Variants in MTURN observed in about 807,000 individuals in gnomAD.
The protein encoded by MTURN is maturin, neural progenitor differentiation regulator homolog, also known as maturin.
A neutral mutation model predicts 14.9 loss-of-function variants in MTURN; 7 were observed. The observed-to-expected ratio is 0.47, with a 90% CI of 0.27 to 0.88. The LOEUF (loss-of-function observed/expected upper bound fraction) is 0.88. Among genes scored for constraint, MTURN ranks in the 40% least tolerant of loss-of-function variants. MTURN has a pLI of 0.14. For missense variants in MTURN, 151 were observed against 174.1 expected (o/e 0.87, Z 0.75); for synonymous variants, 69 against 72.5 (o/e 0.95, Z 0.25).
At position 30,159,760 on chromosome 7, in the gene MTURN, TC is replaced by T. The variant is rs1797342208; in HGVS notation, c.*2214del. On this transcript the variant is annotated 3_prime_UTR_variant, in exon 3 of 3. Coordinates refer to ENST00000324453, the MANE Select transcript of MTURN (RefSeq NM_152793.3). Reference sequence around the variant, plus strand: ...AGATCGAATTGTTTCTTCTAAGACTTCCTTTTTCTGAATGTGTGCACATCCC... The same window carrying T: ...AGATCGAATTGTTTCTTCTAAGACTTCTTTTTCTGAATGTGTGCACATCCC... 6.5e-6 allele frequency: 1 copy of T among 152,686 alleles called. No homozygotes were observed. Among genetic ancestry groups the T allele is most frequent in the Non-Finnish European group, 1.5e-5 (1 of 68,068 alleles). The allele number at this position is 152,686 out of a possible 1,614,324, so 9.5% of individuals were successfully genotyped here.
At chr7:30,140,958 T>C (rs10247194) in intron 1 of MTURN, 110,961 of 151,994 alleles carry the variant, frequency 0.73, 41,466 homozygotes, top group East Asian at 0.94. Flanking sequence ...GCGCACAGAG[T>C]GTAGTTGAAA....
At chr7:30,148,468 T>G (rs1019812669) in intron 2 of MTURN, among the ~76,000 whole-genome samples, 1 of 152,198 alleles carries the variant, frequency 6.6e-6, no homozygotes, top group African/African-American at 2.4e-5. Flanking sequence ...TGACTTCACA[T>G]CTTGAAAGCC....
intron 1 of MTURN, among the ~76,000 whole-genome samples, chr7:30,136,847 G>A (rs961638607): frequency 1.8e-4 from 27 of 152,126 alleles, no homozygotes; most frequent in African/African-American, 6.5e-4. Flanking sequence ...GTAACGCACC[G>A]AATAGTCCCT....
At chr7:30,136,529 C>T (rs1049750428) in intron 1 of MTURN, among the ~76,000 whole-genome samples, 1 of 152,182 alleles carries the variant, frequency 6.6e-6, no homozygotes, top group Non-Finnish European at 1.5e-5. Flanking sequence ...CGCCGAGCGC[C>T]CTGACCACCT....
chr7:30,139,373 A>C (rs1797013758), intron 1 of MTURN, among the ~76,000 whole-genome samples: 1 of 151,868 alleles, frequency 6.6e-6, no homozygotes, highest in South Asian at 2.1e-4. Context: ...AAACTGAGGC[A>C]TGGCAAACTT....
At chr7:30,140,330 T>TTC (rs1323095924) in intron 1 of MTURN, among the ~76,000 whole-genome samples, 1 of 151,542 alleles carries the variant, frequency 6.6e-6, no homozygotes, top group Non-Finnish European at 1.5e-5. Context: ...ATCATGATAT[T>TTC]ATTAAAGAAA....
chr7:30,156,678 A>AGCTG (rs954465941), intron 2 of MTURN, among the ~76,000 whole-genome samples: 11 of 152,048 alleles, frequency 7.2e-5, no homozygotes, highest in African/African-American at 2.7e-4. Context: ...TACAAAAATT[A>AGCTG]GCTGGGCATG....
chr7:30,148,099 T>C (rs1797154615), intron 2 of MTURN, among the ~76,000 whole-genome samples: 1 of 152,070 alleles, frequency 6.6e-6, no homozygotes, highest in Non-Finnish European at 1.5e-5. Flanking sequence ...AGTAATTAAG[T>C]GCCAAAGAGA....
chr7:30,152,135 A>G (rs1009381690), intron 2 of MTURN, among the ~76,000 whole-genome samples: 1 of 149,530 alleles, frequency 6.7e-6, no homozygotes, highest in African/African-American at 2.5e-5. Flanking sequence ...TTGACAGTTT[A>G]TCTTTTTTTT....
Position 30,159,400 on chromosome 7 carries a change from G to T in MTURN, c.*1852G>T, listed in dbSNP as rs1228186474. The T allele has an allele frequency of 6.6e-6, 1 of 152,204 alleles. No homozygotes were observed. Among genetic ancestry groups the T allele is most frequent in the East Asian group, 1.9e-4 (1 of 5,204 alleles). The allele number at this position is 152,204 out of a possible 1,614,324, so 9.4% of individuals were successfully genotyped here. ...TAAGCCGCAAGAATGACTTCTGCAA[G>T]TGAAATGAGGAAGCTTCACTAGCTT... is the stretch of plus-strand genomic sequence containing the variant. On this transcript the variant is annotated 3_prime_UTR_variant, in exon 3 of 3. Transcript: ENST00000324453.
rs1796926407 is a variant in MTURN at position 30,135,237 on chromosome 7, A to G, written c.101A>G (p.Tyr34Cys). ...TEETERRMDF[Y>C]ADPGVSFYVL... is the part of the protein sequence containing the mutation. ...GAGACCGAACGCAGGATGGATTTCTACGCCGACCCCGGCGTCTCCTTCTAT... is the reference window on the plus strand; with the variant it reads ...GAGACCGAACGCAGGATGGATTTCTGCGCCGACCCCGGCGTCTCCTTCTAT... Residue 34 changes from tyrosine to cysteine, a missense_variant, in exon 1 of 3, where the codon TAC becomes TGC. Tyr to Cys is a radical substitution (Grantham distance 194). Coordinates refer to ENST00000324453, the MANE Select transcript of MTURN (RefSeq NM_152793.3). 2 of 1,517,364 alleles carry G rather than the reference A, an allele frequency of 1.3e-6. No homozygotes were observed. Among genetic ancestry groups the G allele is most frequent in the Non-Finnish European group, 1.8e-6 (2 of 1,130,694 alleles). 94.0% of individuals were successfully genotyped at this position (1,517,364 alleles called of 1,614,324 possible). A position where few individuals can be genotyped will look rare whatever the true frequency, so the allele number is the denominator to read the frequency against.
rs1797365585 is a variant in MTURN, at chr7:30,160,979, A to G, written c.*3431A>G. The G allele has an allele frequency of 6.6e-6, 1 of 152,656 alleles. No individual in the cohort carries two copies. The highest frequency in any genetic ancestry group is 2.4e-5 in the African/African-American group (1 of 41,450). The allele number at this position is 152,656 out of a possible 1,614,324, so 9.5% of individuals were successfully genotyped here. A position where few individuals can be genotyped will look rare whatever the true frequency, so the allele number is the denominator to read the frequency against. ...TTAGATTTCCAGTGTACTTCAACGA[A>G]AACCTCTCTCCTTTATAGTTGCTGT... is the stretch of plus-strand genomic sequence containing the variant. On this transcript the variant is annotated 3_prime_UTR_variant, in exon 3 of 3. Transcript: ENST00000324453.
rs2128035711 is a variant in MTURN, at chr7:30,162,178, G to A, written c.*4630G>A. 6.6e-6 allele frequency: 1 copy of A among 152,308 alleles called. No individual in the cohort carries two copies. The highest frequency in any genetic ancestry group is 6.5e-5 in the Admixed American group (1 of 15,302). The allele number at this position is 152,308 out of a possible 1,614,324, so 9.4% of individuals were successfully genotyped here. ...TAAATGTTTTAATTTACTTAGAGCT[G>A]TATTCAAGTTGTTTGATACCAGACA... is the stretch of plus-strand genomic sequence containing the variant. On this transcript the variant is annotated 3_prime_UTR_variant, in exon 3 of 3. Transcript: ENST00000324453.
Position 30,146,321 on chromosome 7 carries a change from C to T in MTURN, c.285+22C>T, listed in dbSNP as rs763710413. The T allele has an allele frequency of 1.8e-5, 29 of 1,612,546 alleles. No homozygotes were observed. The Middle Eastern group carries it at 6.6e-4, about 37-fold the overall frequency. ...ACCTGTAGGTGCCTGCTTGGCTTCT[C>T]ACCACAGCTTGTTTTCTATGGTGAT... On this transcript the variant is annotated intron_variant, in intron 2 of 2. Transcript: ENST00000324453.
rs1797319546 is a variant in MTURN at position 30,158,386 on chromosome 7, TC to T, written c.*840del. On this transcript the variant is annotated 3_prime_UTR_variant, in exon 3 of 3. Coordinates refer to ENST00000324453, the MANE Select transcript of MTURN (RefSeq NM_152793.3). ...GGCCGCTTGTTAAATCATGAAAACA[TC>T]CAGAATTCAAGTGCCGCTTAAACTT... 2 of 152,644 alleles carry T rather than the reference TC, an allele frequency of 1.3e-5. No individual in the cohort carries two copies. The highest frequency in any genetic ancestry group is 2.9e-5 in the Non-Finnish European group (2 of 68,038). The allele number at this position is 152,644 out of a possible 1,614,324, so 9.5% of individuals were successfully genotyped here.
intron 1 of MTURN, chr7:30,137,369 C>T (rs931475533): frequency 7.5e-5 from 24 of 318,422 alleles, no homozygotes; most frequent in East Asian, 1.5e-4. Context: ...AGTAAGTGGG[C>T]CAGGAAGACA....
Position 30,135,196 on chromosome 7 carries a change from G to A in MTURN, c.60G>A (p.Glu20=). 3 of 1,508,540 alleles carry A rather than the reference G, an allele frequency of 2.0e-6. No individual in the cohort carries two copies. The highest frequency in any genetic ancestry group is 2.7e-6 in the Non-Finnish European group (3 of 1,126,872). 93.4% of individuals were successfully genotyped at this position (1,508,540 alleles called of 1,614,324 possible). The change falls in exon 1 of 3, where the codon GAG becomes GAA. Residue 20 remains glutamate, a synonymous_variant. Coordinates refer to ENST00000324453, the MANE Select transcript of MTURN (RefSeq NM_152793.3). The part of the protein sequence containing the change: ...AEKWCSNTPF[E]LIATEETERR... ...AATGGTGCTCCAACACGCCCTTCGA[G>A]CTCATCGCCACCGAGGAGACCGAAC...
chr7:30,155,661 G>A (rs887144711), intron 2 of MTURN, among the ~76,000 whole-genome samples: 1 of 152,200 alleles, frequency 6.6e-6, no homozygotes, highest in African/African-American at 2.4e-5. Flanking sequence ...TCTAAGGGGC[G>A]AGCGTGTGTC....
At chr7:30,136,325 AG>A (rs1796960419) in intron 1 of MTURN, among the ~76,000 whole-genome samples, 1 of 152,138 alleles carries the variant, frequency 6.6e-6, no homozygotes, top group South Asian at 2.1e-4. Context: ...GGGGTGGAGT[AG>A]GGCGAGCACG....
Sources: allele counts gnomAD v4.1 joint callset (sites outside exome capture counted in the v4.1 genomes callset), GRCh38; gene constraint gnomAD v4.1.1; transcripts MANE v1.5; gene names NCBI Gene and HGNC (gene_info 2026-07-23, HGNC 2026-07-21).